The following SHC2 variants were observed in gnomAD, a reference collection of about 807,000 sequenced individuals.
The protein encoded by SHC2 is SHC adaptor protein 2.
Under a neutral mutation model 60.6 loss-of-function variants are expected in SHC2, and 62 were observed. The observed-to-expected ratio is 1.02, with a 90% CI of 0.83 to 1.26. The LOEUF is 1.26. SHC2 is among the 50% of genes most tolerant of loss of function. The pLI is 0.00. For synonymous variants in SHC2, 375 were observed against 372.4 expected (o/e 1.01, Z -0.08); for missense variants, 873 against 822.2 (o/e 1.06, Z -0.76).
Position 460,583 on chromosome 19 carries a change from G to T in SHC2, c.414C>A (p.Gly138=). The change falls in exon 1 of 13, where the codon GGC becomes GGA. Residue 138 remains glycine (G), a synonymous_variant. Coordinates refer to ENST00000264554, the MANE Select transcript of SHC2 (RefSeq NM_012435.3). ...KGSFIHKPAH[G]WLHPDARVLG... Reference sequence around the variant, plus strand: ...GGACCCTGGCGTCGGGGTGTAGCCAGCCGTGCGCGGGTTTGTGGATGAAGC... The same window carrying T: ...GGACCCTGGCGTCGGGGTGTAGCCATCCGTGCGCGGGTTTGTGGATGAAGC... 7.1e-7 allele frequency: 1 copy of T among 1,413,176 alleles called. No individual in the cohort carries two copies. The highest frequency in any genetic ancestry group is 9.3e-7 in the Non-Finnish European group (1 of 1,076,728). The allele number at this position is 1,413,176 out of a possible 1,614,324, so 87.5% of individuals were successfully genotyped here.
chr19:458,005 A>C (rs1412732944), intron 1 of SHC2, among the ~76,000 whole-genome samples: 5 of 126,604 alleles, frequency 3.9e-5, no homozygotes, highest in African/African-American at 8.9e-5. Context: ...CCGGGGAGGC[A>C]GAAGAGGGTC....
chr19:441,036 G>T lies in SHC2; in HGVS notation c.469-104C>A. On this transcript the variant is annotated intron_variant, in intron 1 of 12. Coordinates refer to ENST00000264554, the MANE Select transcript of SHC2 (RefSeq NM_012435.3). The surrounding 1 kb of genome is among the most constrained non-coding windows in gnomAD (Gnocchi z 4.9). ...CCGCCTCCACCACCCCTGGGGTCGA[G>T]CCCTTTCCTCTGTCCCTGGTGGCTC... The T allele has an allele frequency of 1.3e-6, 2 of 1,529,872 alleles. No individual in the cohort carries two copies. The allele number at this position is 1,529,872 out of a possible 1,614,324, so 94.8% of individuals were successfully genotyped here.
In SHC2 at chr19:440,656, G is replaced by A. The variant is rs1388743266; in HGVS notation, c.539+206C>T. On this transcript the variant is annotated intron_variant, in intron 2 of 12. Transcript: ENST00000264554. The surrounding 1 kb of genome is among the most constrained non-coding windows in gnomAD (Gnocchi z 7.0). Reference sequence around the variant, plus strand: ...CGTGTTCTTTCCATCTTAGAGGATCGAGGTCTGCAGGGCACGGTGACCGAC... The same window carrying A: ...CGTGTTCTTTCCATCTTAGAGGATCAAGGTCTGCAGGGCACGGTGACCGAC... 6.6e-6 allele frequency among the ~76,000 whole-genome samples: 1 copy of A among 152,212 alleles called. No individual in the cohort carries two copies. The highest frequency in any genetic ancestry group is 1.5e-5 in the Non-Finnish European group (1 of 68,040).
In SHC2 at chr19:438,598, C is replaced by T; in HGVS notation, c.720+120G>A. 8.3e-7 allele frequency: 1 copy of T among 1,206,882 alleles called. No individual in the cohort carries two copies. The highest frequency in any genetic ancestry group is 1.1e-6 in the Non-Finnish European group (1 of 875,946). The allele number at this position is 1,206,882 out of a possible 1,614,324, so 74.8% of individuals were successfully genotyped here. ...CAGCTCCTGCTCAGCGGGGCCTCGG[C>T]TCGTCTTTCTGGATAAACGCCACCT... On this transcript the variant is annotated intron_variant, in intron 4 of 12. Coordinates refer to ENST00000264554, the MANE Select transcript of SHC2 (RefSeq NM_012435.3). The surrounding 1 kb of genome is among the most constrained non-coding windows in gnomAD (Gnocchi z 5.0).
At chr19:457,556 T>C (rs186232127) in intron 1 of SHC2, among the ~76,000 whole-genome samples, 52 of 152,244 alleles carry the variant, frequency 3.4e-4, no homozygotes, top group Non-Finnish European at 6.9e-4. Context: ...TCTGATTGAC[T>C]GTCTCTCCTA....
intron 12 of SHC2, among the ~76,000 whole-genome samples, chr19:418,634 C>T (rs1200515536): frequency 6.6e-6 from 1 of 152,174 alleles, no homozygotes; most frequent in African/African-American, 2.4e-5. Context: ...AATCCCATTG[C>T]TATGAAATGT....
intron 9 of SHC2, among the ~76,000 whole-genome samples, chr19:428,877 A>AT (rs924234097): frequency 3.3e-5 from 5 of 151,972 alleles, no homozygotes; most frequent in African/African-American, 1.2e-4. Flanking sequence ...CAGAAACCTC[A>AT]TACCGTGTGG....
intron 1 of SHC2, among the ~76,000 whole-genome samples, chr19:450,068 G>A (rs115676637): frequency 0.017 from 2,642 of 152,316 alleles, 84 homozygotes; most frequent in African/African-American, 0.059. Flanking sequence ...CAGTGCCCCT[G>A]GCCATGGCTT....
rs1974829123 is a variant in SHC2, at chr19:440,169, C to A, written c.539+693G>T. Among the ~76,000 whole-genome samples the A allele has an allele frequency of 6.6e-6, 1 of 151,380 alleles. No individual in the cohort carries two copies. The highest frequency in any genetic ancestry group is 2.1e-4 in the South Asian group (1 of 4,748). ...ATTGCTATGAAATGTCCAGGACAGG[C>A]CGATCCACAGAGACAGGGAGGGGAT... On this transcript the variant is annotated intron_variant, in intron 2 of 12. Coordinates refer to ENST00000264554, the MANE Select transcript of SHC2 (RefSeq NM_012435.3). The surrounding 1 kb of genome is among the most constrained non-coding windows in gnomAD (Gnocchi z 7.0).
chr19:436,101 G>A, intron 7 of SHC2, 64 bp downstream of exon 7: 8 of 1,566,172 alleles, frequency 5.1e-6, no homozygotes, highest in East Asian at 2.3e-5. Context: ...AGGTGGAGCA[G>A]GCTCTGCACC....
chr19:432,228 C>T (rs371424954), intron 8 of SHC2, among the ~76,000 whole-genome samples: 4 of 2,604 alleles, frequency 1.5e-3, no homozygotes, highest in Non-Finnish European at 1.8e-3. Context: ...TAGAGGAGGC[C>T]GGGCAGATAG....
chr19:455,973 G>T (rs1975333164), intron 1 of SHC2, among the ~76,000 whole-genome samples: 1 of 152,214 alleles, frequency 6.6e-6, no homozygotes, highest in Admixed American at 6.5e-5. Context: ...GTGGACACGG[G>T]GCCGTTGCTG....
chr19:443,662 A>G (rs1172249859), intron 1 of SHC2, among the ~76,000 whole-genome samples: 11 of 126,862 alleles, frequency 8.7e-5, no homozygotes, highest in African/African-American at 3.4e-4. Context: ...GGGTGGACAG[A>G]TGGGTGGATG....
rs1600324561 is a variant in SHC2, at chr19:453,297, T to A, written c.468+7232A>T. The A allele has an allele frequency of 6.6e-6, 1 of 151,998 alleles. No homozygotes were observed. The highest frequency in any genetic ancestry group is 6.6e-5 in the Admixed American group (1 of 15,252). 9.4% of individuals were successfully genotyped at this position (151,998 alleles called of 1,614,324 possible). A position where few individuals can be genotyped will look rare whatever the true frequency, so the allele number is the denominator to read the frequency against. On this transcript the variant is annotated intron_variant, in intron 1 of 12. Coordinates refer to ENST00000264554, the MANE Select transcript of SHC2 (RefSeq NM_012435.3). The surrounding 1 kb of genome is among the most constrained non-coding windows in gnomAD (Gnocchi z 6.3). ...CCTGAGTTTTGTTTCTGAGGCAGGG[T>A]CTTGCTCTGTCACCCAGGCTGGAGG...
chr19:426,267 G>A (rs1974413000), intron 9 of SHC2, among the ~76,000 whole-genome samples: 1 of 152,258 alleles, frequency 6.6e-6, no homozygotes, highest in South Asian at 2.1e-4. Flanking sequence ...AGTCTACCAA[G>A]AGGGGCACAG....
rs904778915 is a variant in SHC2, at chr19:438,682, G to A, written c.720+36C>T. ...CTCCTAGGACTCCTGGCCCCTCTGG[G>A]GGTCTGGGGACGCCAGGCGAAGAGG... On this transcript the variant is annotated intron_variant, in intron 4 of 12. Transcript: ENST00000264554. This position sits in a 1 kb window ranked among gnomAD's most constrained non-coding sequence, Gnocchi z 5.0. 4 of 1,545,892 alleles carry A rather than the reference G, an allele frequency of 2.6e-6. No individual in the cohort carries two copies. The highest frequency in any genetic ancestry group is 2.6e-6 in the Non-Finnish European group (3 of 1,146,154).
intron 12 of SHC2, among the ~76,000 whole-genome samples, chr19:417,776 T>TGCCATACCCGGAGCCCCC (rs1974186280): frequency 2.0e-5 from 3 of 152,180 alleles, no homozygotes; most frequent in Non-Finnish European, 4.4e-5. Context: ...CAGGAGCCCC[T>TGCCATACCCGGAGCCCCC]GCCATACCCG....
At position 425,248 on chromosome 19, in the gene SHC2, G is replaced by A; in HGVS notation, c.1175-17C>T. On this transcript the variant is annotated splice_polypyrimidine_tract_variant and intron_variant, in intron 9 of 12. Transcript: ENST00000264554. The surrounding 1 kb of genome is among the most constrained non-coding windows in gnomAD (Gnocchi z 4.1). ...CCGGTGGAGCTGGGGAGTGTAAAGA[G>A]GGGCAGGGGGTCAGCTGGGAGCCAG... 1 of 1,316,466 alleles carries A rather than the reference G, an allele frequency of 7.6e-7. No homozygotes were observed. The highest frequency in any genetic ancestry group is 9.8e-7 in the Non-Finnish European group (1 of 1,024,494). 81.5% of individuals were successfully genotyped at this position (1,316,466 alleles called of 1,614,324 possible).
rs202015616 is a variant in SHC2 at position 418,938 on chromosome 19, C to T, written c.1739G>A (p.Arg580Gln). Residue 580 changes from arginine to glutamine, a missense_variant, in exon 12 of 13, where the codon CGG becomes CAG. Physicochemically the swap from Arg to Gln is conservative, Grantham distance 43. Coordinates refer to ENST00000264554, the MANE Select transcript of SHC2 (RefSeq NM_012435.3). ...SELHLRGVVS[R>Q]EP ...AGCCACACACCTGGCTCAGGGCTCCCGTGAGACCACGCCACGCAGGTGCAG... is the reference window on the plus strand; with the variant it reads ...AGCCACACACCTGGCTCAGGGCTCCTGTGAGACCACGCCACGCAGGTGCAG... 32 of 1,589,054 alleles carry T rather than the reference C, an allele frequency of 2.0e-5. No homozygotes were observed. In the Admixed American group the frequency reaches 3.2e-4, roughly 16 times the overall value.
Sources: gnomAD v4.1 joint callset for allele counts (sites outside exome capture counted in the v4.1 genomes callset) on GRCh38, gnomAD v4.1.1 for gene constraint, Gnocchi (gnomAD v3.1) non-coding constraint, MANE v1.5 for transcripts, NCBI Gene and HGNC (gene_info 2026-07-23, HGNC 2026-07-21) for gene names.